Variants in SPRED2 observed in about 807,000 individuals in gnomAD.
SPRED2 encodes sprouty related EVH1 domain containing 2.
A neutral mutation model predicts 43.0 loss-of-function variants in SPRED2; 47 were observed. The observed-to-expected ratio is 1.09, with a 90% CI of 0.87 to 1.40. The LOEUF is 1.40. Among genes scored for constraint, SPRED2 ranks in the 40% most tolerant of loss-of-function variants. The probability of loss-of-function intolerance (pLI) is 0.00; values close to 1 mark genes in which losing one functional copy is unlikely to be tolerated. For missense variants in SPRED2, 561 were observed against 586.4 expected (o/e 0.96, Z 0.45); for synonymous variants, 225 against 225.7 (o/e 1.00, Z 0.03).
chr2:65,404,470 A>C (rs576776002), intron 1 of SPRED2, among the ~76,000 whole-genome samples: 1 of 152,354 alleles, frequency 6.6e-6, no homozygotes, highest in East Asian at 1.9e-4. Flanking sequence ...TGGATGGCTA[A>C]ACAGTCTCAG....
chr2:65,328,981 A>G (rs1673727808), intron 4 of SPRED2, among the ~76,000 whole-genome samples: 1 of 152,264 alleles, frequency 6.6e-6, no homozygotes, highest in South Asian at 2.1e-4. Context: ...CCACTTAAGA[A>G]TGAAAAGAAA....
At chr2:65,344,524 A>C in intron 2 of SPRED2, 195 bp downstream of exon 2, 1 of 743,712 alleles carries the variant, frequency 1.3e-6, no homozygotes, top group Non-Finnish European at 2.4e-6. Flanking sequence ...GTGTGGTCAA[A>C]AGAGACTTTG....
rs369646596 is a variant in SPRED2, at chr2:65,328,006, A to G, written c.438+3981T>C. Among the ~76,000 whole-genome samples the G allele has an allele frequency of 1.3e-3, 192 of 151,970 alleles. 5 individuals are homozygous for G. The South Asian group carries it at 0.029, about 23-fold the overall frequency. ...CAAAGTGCTGGGATTACAGGCATGA[A>G]CCGCTGTGCCCGGCCCATTTTTGCT... On this transcript the variant is annotated intron_variant, in intron 4 of 5. Transcript: ENST00000356388.
At chr2:65,363,264 T>G (rs1271036113) in intron 1 of SPRED2, among the ~76,000 whole-genome samples, 1 of 140,502 alleles carries the variant, frequency 7.1e-6, no homozygotes, top group Non-Finnish European at 1.5e-5. Context: ...AAAAAAAAAT[T>G]CCAACTGGGA....
intron 4 of SPRED2, among the ~76,000 whole-genome samples, chr2:65,323,566 T>C (rs1384086346): frequency 2.0e-5 from 3 of 150,072 alleles, no homozygotes; most frequent in Non-Finnish European, 3.0e-5. Flanking sequence ...AAATCCTCTA[T>C]GGTAGTAAAA....
At chr2:65,406,219 A>T (rs569890218) in intron 1 of SPRED2, among the ~76,000 whole-genome samples, 5 of 152,320 alleles carry the variant, frequency 3.3e-5, no homozygotes, top group African/African-American at 1.2e-4. Context: ...TGCTGGAGGC[A>T]GAAAATTCTG....
At chr2:65,406,931 C>CT (rs571460201) in intron 1 of SPRED2, among the ~76,000 whole-genome samples, 5,035 of 143,790 alleles carry the variant, frequency 0.035, 124 homozygotes, top group Non-Finnish European at 0.053. Flanking sequence ...TTTAGTCTCT[C>CT]TTTTTTTTTT....
chr2:65,350,451 G>C (rs1262565579), intron 1 of SPRED2, among the ~76,000 whole-genome samples: 2 of 152,088 alleles, frequency 1.3e-5, no homozygotes, highest in African/African-American at 2.4e-5. Context: ...AACTTGAGCT[G>C]AACAGCCCCA....
intron 1 of SPRED2, among the ~76,000 whole-genome samples, chr2:65,363,005 G>GTTTT (rs113081105): frequency 2.0e-4 from 24 of 121,092 alleles, no homozygotes; most frequent in Non-Finnish European, 2.5e-4. Flanking sequence ...ATCATGTTTT[G>GTTTT]TTTTTTTTTT....
At chr2:65,327,875 C>T (rs1673686930) in intron 4 of SPRED2, among the ~76,000 whole-genome samples, 1 of 151,780 alleles carries the variant, frequency 6.6e-6, no homozygotes, top group Non-Finnish European at 1.5e-5. Flanking sequence ...AGGGGCCCGC[C>T]ATCATGCCTG....
intron 1 of SPRED2, among the ~76,000 whole-genome samples, chr2:65,348,525 G>C (rs1243917996): frequency 6.6e-6 from 1 of 152,192 alleles, no homozygotes; most frequent in Non-Finnish European, 1.5e-5. Flanking sequence ...ATAGCAGGCT[G>C]GAAGCGGTGG....
chr2:65,413,916 T>C (rs1021737379), intron 1 of SPRED2, among the ~76,000 whole-genome samples: 3 of 152,240 alleles, frequency 2.0e-5, no homozygotes, highest in Non-Finnish European at 4.4e-5. Context: ...TGAATGAGTA[T>C]AAATTTTCAA....
rs1674302261 is a variant in SPRED2, at chr2:65,344,868, C to T, written c.55G>A (p.Val19Met). Residue 19 changes from valine (V) to methionine (M), a missense_variant, in exon 2 of 6, where the codon GTG (valine) becomes ATG (methionine). By Grantham distance (21) the Val-to-Met change is conservative. Transcript: ENST00000356388. Reference protein sequence around the residue: ...DDSYIVRVKAVVMTRDDSSGG... With the variant: ...DDSYIVRVKAMVMTRDDSSGG... ...CTGGAGTCATCTCTGGTCATAACCA[C>T]AGCCTTGACACGCACAATATAGCTG... 1.9e-6 allele frequency: 3 copies of T among 1,614,164 alleles called. No homozygotes were observed. Among genetic ancestry groups the T allele is most frequent in the Non-Finnish European group, 2.5e-6 (3 of 1,180,040 alleles).
At chr2:65,392,105 T>C (rs1234231675) in intron 1 of SPRED2, among the ~76,000 whole-genome samples, 1 of 152,052 alleles carries the variant, frequency 6.6e-6, no homozygotes, top group Non-Finnish European at 1.5e-5. Flanking sequence ...GTTAAATTTG[T>C]CTCTGATATT....
chr2:65,384,609 C>G (rs1179540200), intron 1 of SPRED2, among the ~76,000 whole-genome samples: 1 of 152,168 alleles, frequency 6.6e-6, no homozygotes, highest in Non-Finnish European at 1.5e-5. Context: ...AGCCCCTTCC[C>G]CACACCTCCC....
At position 65,316,758 on chromosome 2, in the gene SPRED2, G is replaced by A. The variant is rs770491661; in HGVS notation, c.564C>T (p.Pro188=). ...CCTGATCGAGGTGATAGTGGTCTGT[G>A]GGGTATGAGTCGTGGAGGTGGCCCA... ...YTLGHLHDSY[P]TDHYHLDQPM... Residue 188 remains proline, a synonymous_variant, in exon 5 of 6, where the codon CCC becomes CCT. Transcript: ENST00000356388. The A allele has an allele frequency of 1.2e-6, 2 of 1,611,932 alleles. No homozygotes were observed. Among genetic ancestry groups the A allele is most frequent in the South Asian group, 2.2e-5 (2 of 90,408 alleles).
intron 1 of SPRED2, among the ~76,000 whole-genome samples, chr2:65,355,167 G>A (rs1453662869): frequency 6.6e-6 from 1 of 152,170 alleles, no homozygotes; most frequent in African/African-American, 2.4e-5. Context: ...CAGGGAACTG[G>A]AGACTCCTGG....
At chr2:65,333,005 C>T (rs1189572557) in intron 3 of SPRED2, among the ~76,000 whole-genome samples, 1 of 152,116 alleles carries the variant, frequency 6.6e-6, no homozygotes, top group African/African-American at 2.4e-5. Flanking sequence ...CAGTGGCTCA[C>T]GCCTGCAATC....
chr2:65,416,659 G>C (rs1424022114), intron 1 of SPRED2, among the ~76,000 whole-genome samples: 1 of 152,268 alleles, frequency 6.6e-6, no homozygotes, highest in African/African-American at 2.4e-5. Flanking sequence ...TATGAATTTT[G>C]TTATCCCAAC....
Sources: gnomAD v4.1 joint callset for allele counts (sites outside exome capture counted in the v4.1 genomes callset) on GRCh38, gnomAD v4.1.1 for gene constraint, MANE v1.5 for transcripts, NCBI Gene and HGNC (gene_info 2026-07-23, HGNC 2026-07-21) for gene names.